PCDH11Y: variants seen among roughly 807,000 people sequenced by gnomAD.
PCDH11Y encodes protocadherin-11 Y-linked.
For synonymous variants in PCDH11Y, 9 were observed against 83.6 expected (o/e 0.11, Z 4.87); for missense variants, 12 against 224.8 (o/e 0.05, Z 6.05).
At chrY:5,712,051 G>T (rs2053587002) in intron 4 of PCDH11Y, among the ~76,000 whole-genome samples, 1 of 31,234 alleles carries the variant, frequency 3.2e-5, no homozygotes, top group Non-Finnish European at 7.8e-5. Context: ...CTAATGAATT[G>T]GCTTAATGAA....
chrY:5,358,705 G>C (rs1363428963), intron 2 of PCDH11Y, among the ~76,000 whole-genome samples: 1 of 32,321 alleles, frequency 3.1e-5, no homozygotes, highest in African/African-American at 1.2e-4. Flanking sequence ...CTAAGTCTAG[G>C]TTAGTGAAAC....
At chrY:5,476,832 C>T (rs9657838) in intron 2 of PCDH11Y, among the ~76,000 whole-genome samples, 7 of 23,579 alleles carry the variant, frequency 3.0e-4, no homozygotes, top group South Asian at 1.7e-3. Context: ...CCAATAACAT[C>T]GTTATTTATT....
At chrY:5,669,511 G>A in intron 4 of PCDH11Y, among the ~76,000 whole-genome samples, 2 of 29,837 alleles carry the variant, frequency 6.7e-5, no homozygotes, top group East Asian at 1.7e-3. Flanking sequence ...TATTAAATGT[G>A]CTATGAAATA....
intron 2 of PCDH11Y, among the ~76,000 whole-genome samples, chrY:5,203,400 A>G: frequency 3.5e-5 from 1 of 28,777 alleles, no homozygotes; most frequent in Non-Finnish European, 7.9e-5. Context: ...AGTTTCCAGG[A>G]TTCTTCCAAT....
At chrY:5,196,166 T>A (rs2052918393) in intron 2 of PCDH11Y, among the ~76,000 whole-genome samples, 1 of 33,769 alleles carries the variant, frequency 3.0e-5, no homozygotes, top group South Asian at 6.6e-4. Context: ...CTTAATGCAT[T>A]AGTCTCTTAA....
intron 2 of PCDH11Y, among the ~76,000 whole-genome samples, chrY:5,380,679 C>T (rs2053204242): frequency 9.9e-5 from 3 of 30,418 alleles, no homozygotes; most frequent in Admixed American, 9.0e-4. Flanking sequence ...CTCCGCCGCC[C>T]GGGTTCAAGC....
intron 2 of PCDH11Y, among the ~76,000 whole-genome samples, chrY:5,162,648 G>C: frequency 3.1e-5 from 1 of 32,724 alleles, no homozygotes; most frequent in Non-Finnish European, 7.5e-5. Flanking sequence ...AGATACATAA[G>C]ATATTAAAAA....
intron 2 of PCDH11Y, among the ~76,000 whole-genome samples, chrY:5,459,363 G>GT (rs2053301274): frequency 6.2e-5 from 2 of 32,207 alleles, no homozygotes; most frequent in African/African-American, 1.2e-4. Context: ...TTTGGTACGT[G>GT]TTTTTTTACT....
chrY:5,041,053 C>A (rs2052607006), intron 3 of PCDH11Y, among the ~76,000 whole-genome samples: 1 of 29,435 alleles, frequency 3.4e-5, no homozygotes, highest in Non-Finnish European at 8.2e-5. Context: ...TGACCCGAAT[C>A]TCCAGCAAGC....
chrY:5,058,121 GGTAA>G (rs2052667778), intron 1 of PCDH11Y, among the ~76,000 whole-genome samples: 1 of 32,567 alleles, frequency 3.1e-5, no homozygotes, highest in Non-Finnish European at 7.6e-5. Flanking sequence ...TGTTGTAAAG[GGTAA>G]GTAAGCCTTT....
intron 2 of PCDH11Y, among the ~76,000 whole-genome samples, chrY:5,374,463 A>G (rs1602914653): frequency 1.1e-4 from 3 of 28,533 alleles, no homozygotes; most frequent in Admixed American, 3.5e-4. Context: ...ATATATGTGT[A>G]TATATATATA....
At chrY:5,105,828 A>T (rs1463592592), downstream of PCDH11Y, among the ~76,000 whole-genome samples, 140 of 32,819 alleles carry the variant, frequency 4.3e-3, no homozygotes, top group East Asian at 0.11. Flanking sequence ...ACGAAACATA[A>T]TTCCAGTCAT....
intron 2 of PCDH11Y, among the ~76,000 whole-genome samples, chrY:5,317,487 A>T (rs373984926): frequency 4.0e-3 from 133 of 32,962 alleles, no homozygotes; most frequent in African/African-American, 0.014. Flanking sequence ...TGATGGGGGC[A>T]GTTTCTCATG....
intron 2 of PCDH11Y, among the ~76,000 whole-genome samples, chrY:5,321,297 C>T (rs796209884): frequency 1.2e-4 from 4 of 32,188 alleles, no homozygotes; most frequent in East Asian, 8.3e-4. Flanking sequence ...TTAAGTACCA[C>T]GAGAACAGTA....
chrY:5,056,317 C>T, exon 1 of PCDH11Y: 1 of 152,267 alleles, frequency 6.6e-6, no homozygotes, highest in Non-Finnish European at 8.2e-6. Flanking sequence ...CCCCTCTCCT[C>T]TCCCAAACTT....
chrY:5,661,883 A>G, intron 4 of PCDH11Y, among the ~76,000 whole-genome samples: 1 of 33,044 alleles, frequency 3.0e-5, no homozygotes, highest in Non-Finnish European at 7.4e-5. Flanking sequence ...AAGATAAAAC[A>G]TTATTTTCTG....
At chrY:5,574,140 A>T in intron 3 of PCDH11Y, 1 of 226,800 alleles carries the variant, frequency 4.4e-6, no homozygotes, top group Non-Finnish European at 7.3e-6. Context: ...CTCCCTTCAG[A>T]TGGTGCAGCT....
At chrY:5,632,505 A>G in intron 4 of PCDH11Y, among the ~76,000 whole-genome samples, 1 of 28,183 alleles carries the variant, frequency 3.5e-5, no homozygotes, top group African/African-American at 1.4e-4. Flanking sequence ...AACAACCTTT[A>G]TATTGTGAGG....
intron 4 of PCDH11Y, among the ~76,000 whole-genome samples, chrY:5,588,365 A>G (rs2053457855): frequency 3.0e-5 from 1 of 33,074 alleles, no homozygotes; most frequent in Admixed American, 2.8e-4. Context: ...AATAGTTTAC[A>G]CACCAAAGTT....
Sources: allele counts gnomAD v4.1 joint callset (sites outside exome capture counted in the v4.1 genomes callset), GRCh38; gene constraint gnomAD v4.1.1; transcripts MANE v1.5; gene names NCBI Gene and HGNC (gene_info 2026-07-23, HGNC 2026-07-21).